AUH: variants seen among roughly 807,000 people sequenced by gnomAD.
AUH encodes the protein AU RNA binding methylglutaconyl-CoA hydratase.
A neutral mutation model predicts 42.3 loss-of-function variants in AUH; 29 were observed. That is an observed-to-expected ratio of 0.69 (90% CI 0.51 to 0.93). The LOEUF is 0.93. AUH is among the 40% of genes least tolerant of loss of function. The pLI is 0.00. For missense variants in AUH, 452 were observed against 438.1 expected (o/e 1.03, Z -0.28); for synonymous variants, 174 against 166.4 (o/e 1.05, Z -0.35).
At chr9:91,288,406 T>C (rs941773818) in intron 6 of AUH, among the ~76,000 whole-genome samples, 1 of 152,144 alleles carries the variant, frequency 6.6e-6, no homozygotes, top group South Asian at 2.1e-4. Context: ...TGGGAGAGGA[T>C]AGGAAATGTA....
chr9:91,319,415 C>T (rs147153221), intron 4 of AUH, among the ~76,000 whole-genome samples: 12 of 152,332 alleles, frequency 7.9e-5, no homozygotes, highest in African/African-American at 2.9e-4. Flanking sequence ...AAAATACACA[C>T]ACCAGGAATG....
chr9:91,314,401 T>C (rs1232045137), intron 4 of AUH, among the ~76,000 whole-genome samples: 1 of 150,684 alleles, frequency 6.6e-6, no homozygotes, highest in Non-Finnish European at 1.5e-5. Context: ...GAGGATCACT[T>C]GAGCCCCGGA....
At chr9:91,270,470 A>G (rs1156237234) in intron 6 of AUH, among the ~76,000 whole-genome samples, 1 of 152,220 alleles carries the variant, frequency 6.6e-6, no homozygotes, top group Non-Finnish European at 1.5e-5. Flanking sequence ...ACAGCTAAAA[A>G]GCAACAAACG....
intron 3 of AUH, among the ~76,000 whole-genome samples, chr9:91,345,998 G>A (rs1457650608): frequency 6.6e-6 from 1 of 151,944 alleles, no homozygotes. Context: ...CCCAAAAAAA[G>A]CCACCTGTGT....
At chr9:91,325,227 T>C (rs1357672061) in intron 4 of AUH, 91 bp downstream of exon 4, 7 of 991,932 alleles carry the variant, frequency 7.1e-6, no homozygotes, top group Non-Finnish European at 1.1e-5. Flanking sequence ...TATAAATATT[T>C]AACCAATGCT....
At chr9:91,271,978 G>A (rs995543182) in intron 6 of AUH, among the ~76,000 whole-genome samples, 6 of 152,120 alleles carry the variant, frequency 3.9e-5, no homozygotes, top group Non-Finnish European at 7.4e-5. Context: ...TACCGTACCC[G>A]GCCTAAATAT....
intron 6 of AUH, among the ~76,000 whole-genome samples, chr9:91,247,924 C>A (rs1043920074): frequency 1.3e-5 from 2 of 152,114 alleles, no homozygotes; most frequent in African/African-American, 4.8e-5. Flanking sequence ...AGTCCTTTAT[C>A]AAAAATATGA....
intron 3 of AUH, among the ~76,000 whole-genome samples, chr9:91,345,491 T>C (rs546291804): frequency 6.6e-6 from 1 of 152,152 alleles, no homozygotes; most frequent in Admixed American, 6.5e-5. Context: ...TAACCAAACA[T>C]GTCTAAGACC....
intron 3 of AUH, among the ~76,000 whole-genome samples, chr9:91,327,796 C>T (rs1300901759): frequency 6.6e-6 from 1 of 152,190 alleles, no homozygotes; most frequent in African/African-American, 2.4e-5. Flanking sequence ...TCCCAGACCT[C>T]AGGACTCCCC....
At chr9:91,223,302 T>A (rs1827240945) in intron 6 of AUH, among the ~76,000 whole-genome samples, 1 of 151,878 alleles carries the variant, frequency 6.6e-6, no homozygotes, top group Non-Finnish European at 1.5e-5. Flanking sequence ...TATTGCCTCA[T>A]ATAAATGGAA....
intron 4 of AUH, among the ~76,000 whole-genome samples, chr9:91,305,557 T>G (rs141788093): frequency 6.6e-6 from 1 of 152,214 alleles, no homozygotes; most frequent in Non-Finnish European, 1.5e-5. Context: ...CTGTTACCAC[T>G]GTGAGCCCTG....
intron 6 of AUH, among the ~76,000 whole-genome samples, chr9:91,244,144 A>G (rs888348766): frequency 5.3e-5 from 8 of 152,242 alleles, no homozygotes; most frequent in Non-Finnish European, 1.2e-4. Context: ...GCATACCATA[A>G]AACAACTAAA....
chr9:91,338,703 A>C (rs755061943), intron 3 of AUH, among the ~76,000 whole-genome samples: 2 of 152,158 alleles, frequency 1.3e-5, no homozygotes, highest in Non-Finnish European at 2.9e-5. Flanking sequence ...AGTGCTGGGA[A>C]GAGGTATTGT....
intron 3 of AUH, among the ~76,000 whole-genome samples, chr9:91,339,558 G>A (rs898855303): frequency 2.0e-5 from 3 of 152,150 alleles, no homozygotes; most frequent in African/African-American, 7.2e-5. Flanking sequence ...TACAGAAATG[G>A]TTGTAAACAT....
Position 91,236,158 on chromosome 9 carries a change from G to A in AUH, c.656-15166C>T, listed in dbSNP as rs562292925. ...ACTAGGGAAGTATGGCAGTGTTGCTGGGCAAAATTAACTACACACTTGAGA... is the reference window on the plus strand; with the variant it reads ...ACTAGGGAAGTATGGCAGTGTTGCTAGGCAAAATTAACTACACACTTGAGA... On this transcript the variant is annotated intron_variant, in intron 6 of 9. Coordinates refer to ENST00000375731, the MANE Select transcript of AUH (RefSeq NM_001698.3). 7.2e-5 allele frequency among the ~76,000 whole-genome samples: 11 copies of A among 152,186 alleles called. No individual in the cohort carries two copies. The South Asian group carries it at 2.1e-3, about 29-fold the overall frequency.
rs188791260 is a variant in AUH at position 91,225,167 on chromosome 9, A to C, written c.656-4175T>G. Among the ~76,000 whole-genome samples the C allele has an allele frequency of 1.6e-4, 24 of 152,354 alleles. No individual in the cohort carries two copies. In the East Asian group the frequency reaches 2.5e-3, roughly 16 times the overall value. On this transcript the variant is annotated intron_variant, in intron 6 of 9. Coordinates refer to ENST00000375731, the MANE Select transcript of AUH (RefSeq NM_001698.3). ...GCTGGTTAAGGAAGTCAAATAGTGC[A>C]GAAAAACATCCCAATCCAAAAGATG...
At chr9:91,338,500 G>A (rs981080679) in intron 3 of AUH, among the ~76,000 whole-genome samples, 39 of 152,220 alleles carry the variant, frequency 2.6e-4, no homozygotes, top group African/African-American at 9.4e-4. Context: ...GCGCGATCTC[G>A]GCTCACTGCA....
intron 3 of AUH, among the ~76,000 whole-genome samples, chr9:91,331,228 G>GAA (rs1415214586): frequency 6.6e-6 from 1 of 152,108 alleles, no homozygotes; most frequent in Non-Finnish European, 1.5e-5. Context: ...ATGTTTTGGA[G>GAA]AAAAAGGTGA....
intron 6 of AUH, among the ~76,000 whole-genome samples, chr9:91,269,012 G>A (rs1824892372): frequency 1.3e-5 from 2 of 151,270 alleles, no homozygotes; most frequent in African/African-American, 4.9e-5. Context: ...ATGGAGTCTC[G>A]CTCTGTCACC....
Sources: gnomAD v4.1 joint callset for allele counts (sites outside exome capture counted in the v4.1 genomes callset) on GRCh38, gnomAD v4.1.1 for gene constraint, MANE v1.5 for transcripts, NCBI Gene and HGNC (gene_info 2026-07-23, HGNC 2026-07-21) for gene names.